GMPS: variants seen among roughly 807,000 people sequenced by gnomAD.
GMPS encodes GMP synthase [glutamine-hydrolyzing].
GMPS carries 15 observed loss-of-function variants against 77.9 expected under a neutral mutation model. The observed-to-expected ratio is 0.19, with a 90% CI of 0.13 to 0.30. The LOEUF is 0.30. GMPS is among the 10% of genes least tolerant of loss of function. The pLI is 1.00. For missense variants in GMPS, 590 were observed against 838.8 expected (o/e 0.70, Z 3.66); for synonymous variants, 224 against 275.9 (o/e 0.81, Z 1.86).
chr3:155,910,856 A>G lies in GMPS; in HGVS notation c.691A>G (p.Lys231Glu). The G allele has an allele frequency of 6.3e-7, 1 of 1,597,082 alleles. No individual in the cohort carries two copies. Among genetic ancestry groups the G allele is most frequent in the Non-Finnish European group, 8.5e-7 (1 of 1,174,804 alleles). The stretch of plus-strand genomic sequence containing the variant: ...AGAACTTGAGTGTATTCGAGAGATC[A>G]AAGAGAGAGTAGGCACGTCAAAAGT... ...NRELECIREI[K>E]ERVGTSKVLV... The change falls in exon 6 of 16, where the codon AAA becomes GAA. Residue 231 changes from lysine to glutamate, a missense_variant. Transcript: ENST00000496455.
intron 2 of GMPS, 102 bp downstream of exon 2, chr3:155,893,801 T>C (rs970427807): frequency 4.2e-5 from 27 of 640,572 alleles, no homozygotes; most frequent in Non-Finnish European, 6.2e-5. Flanking sequence ...GAAAATAAGA[T>C]ATGGAATGGT....
At chr3:155,916,899 C>T (rs189486806) in intron 9 of GMPS, among the ~76,000 whole-genome samples, 55 of 152,240 alleles carry the variant, frequency 3.6e-4, no homozygotes, top group African/African-American at 1.2e-3. Context: ...AATTTTTCCA[C>T]ATCCTCACCA....
chr3:155,916,005 C>A lies in GMPS; in HGVS notation c.1039-14C>A. On this transcript the variant is annotated splice_polypyrimidine_tract_variant and intron_variant, in intron 8 of 15. Coordinates refer to ENST00000496455, the MANE Select transcript of GMPS (RefSeq NM_003875.3). The stretch of plus-strand genomic sequence containing the variant: ...TTATCTCTTACAAGGCTGTTTTACT[C>A]CTGTTGATTATAGATTGCCAATGAA... 1.2e-6 allele frequency: 2 copies of A among 1,601,498 alleles called. No individual in the cohort carries two copies. The highest frequency in any genetic ancestry group is 1.7e-5 in the Admixed American group (1 of 58,812).
chr3:155,919,350 A>G lies in GMPS; in HGVS notation c.1318+12A>G, dbSNP rs778070563. 5 of 1,381,744 alleles carry G rather than the reference A, an allele frequency of 3.6e-6. No individual in the cohort carries two copies. Among genetic ancestry groups the G allele is most frequent in the African/African-American group, 1.4e-5 (1 of 70,298 alleles). The allele number at this position is 1,381,744 out of a possible 1,614,324, so 85.6% of individuals were successfully genotyped here. A position where few individuals can be genotyped will look rare whatever the true frequency, so the allele number is the denominator to read the frequency against. ...GCATCCATTTCCAGGTAAAAATTAG[A>G]ACTGAATTTTGTTTGATTCATCTTT... On this transcript the variant is annotated intron_variant, in intron 10 of 15. Coordinates refer to ENST00000496455, the MANE Select transcript of GMPS (RefSeq NM_003875.3).
intron 14 of GMPS, among the ~76,000 whole-genome samples, chr3:155,935,516 A>G (rs1755742326): frequency 6.6e-6 from 1 of 152,158 alleles, no homozygotes; most frequent in Admixed American, 6.5e-5. Context: ...TGTTGCTTCT[A>G]AATAAAATAT....
intron 1 of GMPS, among the ~76,000 whole-genome samples, chr3:155,882,389 A>G (rs1235110471): frequency 8.5e-5 from 13 of 152,208 alleles, no homozygotes; most frequent in Admixed American, 8.5e-4. Context: ...ATGTTTATGT[A>G]GTGCATCACA....
At chr3:155,899,955 C>T (rs1458565629) in intron 3 of GMPS, among the ~76,000 whole-genome samples, 3 of 152,056 alleles carry the variant, frequency 2.0e-5, no homozygotes, top group Non-Finnish European at 4.4e-5. Context: ...AATAATATTC[C>T]ATTGTATGGA....
chr3:155,910,873 G>T lies in GMPS; in HGVS notation c.708G>T (p.Thr236=). 2 of 1,573,984 alleles carry T rather than the reference G, an allele frequency of 1.3e-6. No homozygotes were observed. Among genetic ancestry groups the T allele is most frequent in the Non-Finnish European group, 1.7e-6 (2 of 1,165,052 alleles). ...GAGAGATCAAAGAGAGAGTAGGCACGTCAAAAGTTTTGGTAAGCAAATTAT... is the reference window on the plus strand; with the variant it reads ...GAGAGATCAAAGAGAGAGTAGGCACTTCAAAAGTTTTGGTAAGCAAATTAT... The part of the protein sequence containing the change: ...CIREIKERVG[T]SKVLVLLSGG... The change falls in exon 6 of 16, where the codon ACG becomes ACT. Residue 236 remains threonine, a synonymous_variant. Transcript: ENST00000496455.
At chr3:155,892,734 C>T (rs758358673) in intron 1 of GMPS, among the ~76,000 whole-genome samples, 10 of 152,144 alleles carry the variant, frequency 6.6e-5, no homozygotes, top group Non-Finnish European at 1.0e-4. Context: ...GGGGTTCAAG[C>T]GATTCTCCTG....
At chr3:155,934,857 A>G in intron 13 of GMPS, 59 bp from the exon 14 acceptor site, 1 of 1,155,364 alleles carries the variant, frequency 8.7e-7, no homozygotes, top group South Asian at 1.2e-5. Context: ...CTCATACTAA[A>G]ATGTAATTTC....
chr3:155,910,251 CAA>C (rs1755002905), intron 5 of GMPS, among the ~76,000 whole-genome samples: 1 of 148,628 alleles, frequency 6.7e-6, no homozygotes, highest in South Asian at 2.1e-4. Flanking sequence ...CGTCTCAAAA[CAA>C]AACAAAACAA....
chr3:155,894,149 TG>T (rs1159986361), intron 2 of GMPS, among the ~76,000 whole-genome samples: 1 of 152,250 alleles, frequency 6.6e-6, no homozygotes, highest in Non-Finnish European at 1.5e-5. Flanking sequence ...TTTGACAGCT[TG>T]TACCCTTAGA....
At chr3:155,917,038 G>C (rs1256388336) in intron 9 of GMPS, among the ~76,000 whole-genome samples, 2 of 150,450 alleles carry the variant, frequency 1.3e-5, no homozygotes, top group African/African-American at 2.5e-5. Flanking sequence ...GCAGTCATGC[G>C]ACCTCGGCTC....
intron 11 of GMPS, among the ~76,000 whole-genome samples, chr3:155,922,805 G>A (rs1755350492): frequency 6.6e-6 from 1 of 152,212 alleles, no homozygotes. Context: ...AAATTCCCCA[G>A]TCTACTTTAT....
In GMPS at chr3:155,915,937, AAG is replaced by A. The variant is rs1402748850; in HGVS notation, c.1039-78_1039-77del. 3 of 859,278 alleles carry A rather than the reference AAG, an allele frequency of 3.5e-6. No individual in the cohort carries two copies. The African/African-American group carries it at 5.1e-5, about 15-fold the overall frequency. 53.2% of individuals were successfully genotyped at this position (859,278 alleles called of 1,614,324 possible). ...CTGATCAGTATTTCTAAAGGACTCT[AAG>A]AGATTTAGCTGAAAGTATAAACTTT... On this transcript the variant is annotated intron_variant, in intron 8 of 15. Transcript: ENST00000496455.
At position 155,892,727 on chromosome 3, in the gene GMPS, G is replaced by T. The variant is rs559777615; in HGVS notation, c.28-791G>T. 2.2e-4 allele frequency among the ~76,000 whole-genome samples: 34 copies of T among 152,322 alleles called. 1 individual carries two copies. Among genetic ancestry groups the T allele is most frequent in the African/African-American group, 8.2e-4 (34 of 41,570 alleles). On this transcript the variant is annotated intron_variant, in intron 1 of 15. Transcript: ENST00000496455. ...GCTCACTGCAACCTCCGCCTCCGGG[G>T]TTCAAGCGATTCTCCTGCCTCAGCC...
chr3:155,883,632 C>T (rs891043704), intron 1 of GMPS, among the ~76,000 whole-genome samples: 3 of 152,104 alleles, frequency 2.0e-5, no homozygotes, highest in East Asian at 3.9e-4. Context: ...TTCATTTCTT[C>T]GCTTCTTTGC....
In GMPS at chr3:155,943,068, T is replaced by TA. The variant is rs533380429; in HGVS notation, c.*5381dup. On this transcript the variant is annotated 3_prime_UTR_variant, in exon 16 of 16. Coordinates refer to ENST00000496455, the MANE Select transcript of GMPS (RefSeq NM_003875.3). ...CAACATGGTGAAACCCCATTTCTAC[T>TA]AAAAATGTAAAAATTAGCTGGGCTT... is the stretch of plus-strand genomic sequence containing the variant. 2.3e-5 allele frequency: 4 copies of TA among 175,708 alleles called. No individual in the cohort carries two copies. Among genetic ancestry groups the TA allele is most frequent in the Admixed American group, 6.4e-5 (1 of 15,742 alleles). 10.9% of individuals were successfully genotyped at this position (175,708 alleles called of 1,614,324 possible).
intron 14 of GMPS, among the ~76,000 whole-genome samples, 162 bp downstream of exon 14, chr3:155,935,208 C>T (rs1755733195): frequency 6.6e-6 from 1 of 152,084 alleles, no homozygotes; most frequent in Non-Finnish European, 1.5e-5. Context: ...GAGACGGAGT[C>T]TGTCTTGCTC....
Sources: gnomAD v4.1 joint callset for allele counts (sites outside exome capture counted in the v4.1 genomes callset) on GRCh38, gnomAD v4.1.1 for gene constraint, MANE v1.5 for transcripts, NCBI Gene and HGNC (gene_info 2026-07-23, HGNC 2026-07-21) for gene names.